The following RGS6 variants were observed in gnomAD, a reference collection of about 807,000 sequenced individuals.
The protein encoded by RGS6 is regulator of G-protein signaling 6.
In RGS6, 30 loss-of-function variants were observed where a neutral mutation model predicts 78.5. That is an observed-to-expected ratio of 0.38 (90% CI 0.29 to 0.52). RGS6 has a LOEUF of 0.52. Ranked by LOEUF, RGS6 falls within the 20% of genes least tolerant of loss-of-function variation. The pLI is 0.85. For missense variants in RGS6, 495 were observed against 609.7 expected (o/e 0.81, Z 1.98); for synonymous variants, 206 against 206.0 (o/e 1.00, Z 0.00).
chr14:72,052,339 C>G (rs541159028), intron 2 of RGS6, among the ~76,000 whole-genome samples: 29 of 152,148 alleles, frequency 1.9e-4, no homozygotes, highest in Non-Finnish European at 1.3e-4. Context: ...TAATGGATAA[C>G]TAGAATGAAC....
intron 2 of RGS6, among the ~76,000 whole-genome samples, chr14:72,252,540 A>C (rs1025501785): frequency 2.0e-5 from 3 of 152,234 alleles, no homozygotes; most frequent in African/African-American, 7.2e-5. Context: ...TCTCCCTGTT[A>C]GCCTGTACAA....
intron 3 of RGS6, among the ~76,000 whole-genome samples, chr14:72,442,254 A>C (rs1186610071): frequency 1.3e-5 from 2 of 152,006 alleles, no homozygotes; most frequent in Non-Finnish European, 2.9e-5. Context: ...CTTGCTGTGA[A>C]ACCCCGTTTG....
chr14:72,159,629 ACTGCCAAGTGAT>A (rs2096825016), intron 2 of RGS6, among the ~76,000 whole-genome samples: 1 of 152,196 alleles, frequency 6.6e-6, no homozygotes, highest in Admixed American at 6.5e-5. Context: ...ATGTGCCAGC[ACTGCCAAGTGAT>A]CTCCATGTGT....
At chr14:72,350,944 G>C (rs1486464081) in intron 2 of RGS6, among the ~76,000 whole-genome samples, 1 of 152,240 alleles carries the variant, frequency 6.6e-6, no homozygotes, top group Admixed American at 6.5e-5. Context: ...TGATGATGAT[G>C]ATGATGTTAT....
chr14:72,047,566 T>A (rs2092942004), intron 2 of RGS6, among the ~76,000 whole-genome samples: 1 of 152,194 alleles, frequency 6.6e-6, no homozygotes, highest in Admixed American at 6.5e-5. Context: ...AAGTAAGTGA[T>A]GACTGCGAAC....
At chr14:72,285,055 A>G (rs2062275788) in intron 2 of RGS6, among the ~76,000 whole-genome samples, 1 of 152,188 alleles carries the variant, frequency 6.6e-6, no homozygotes, top group East Asian at 1.9e-4. Context: ...GTATCTAGGA[A>G]GTAACTAACT....
At chr14:72,408,497 A>C (rs2093135773) in intron 3 of RGS6, among the ~76,000 whole-genome samples, 1 of 152,208 alleles carries the variant, frequency 6.6e-6, no homozygotes, top group Non-Finnish European at 1.5e-5. Flanking sequence ...TGTTTGCAAG[A>C]CACATCTGAC....
At chr14:72,508,975 C>T (rs1257487531) in intron 13 of RGS6, among the ~76,000 whole-genome samples, 1 of 152,172 alleles carries the variant, frequency 6.6e-6, no homozygotes, top group Non-Finnish European at 1.5e-5. Context: ...GAAGGAAATA[C>T]TCTTATCGCC....
At chr14:72,493,984 A>C (rs2096611824) in intron 12 of RGS6, among the ~76,000 whole-genome samples, 1 of 152,208 alleles carries the variant, frequency 6.6e-6, no homozygotes, top group Non-Finnish European at 1.5e-5. Context: ...TCCAGGAAAC[A>C]TGGGCTTTTC....
At chr14:72,615,735 T>A in the RGS6 span, among the ~76,000 whole-genome samples, 2 of 152,228 alleles carry the variant, frequency 1.3e-5, no homozygotes, top group African/African-American at 4.8e-5. Context: ...GGCTCCTGCT[T>A]CAGGGGCGAT....
intron 2 of RGS6, among the ~76,000 whole-genome samples, chr14:72,076,326 T>C (rs1567156159): frequency 6.6e-6 from 1 of 152,186 alleles, no homozygotes; most frequent in Non-Finnish European, 1.5e-5. Flanking sequence ...CTCAATTATT[T>C]TCATTTCTCC....
chr14:72,505,239 CTGTG>C (rs1473140199), intron 13 of RGS6, among the ~76,000 whole-genome samples: 3 of 152,208 alleles, frequency 2.0e-5, no homozygotes, highest in Admixed American at 2.0e-4. Context: ...ATACTATAGA[CTGTG>C]TGGCTTATAA....
At chr14:72,354,895 TGTATAATATACA>T (rs1206443942) in intron 3 of RGS6, among the ~76,000 whole-genome samples, 1 of 152,138 alleles carries the variant, frequency 6.6e-6, no homozygotes, top group East Asian at 1.9e-4. Context: ...ATATTATTCA[TGTATAATATACA>T]GTATAATATA....
At chr14:72,505,850 A>C (rs2096792114) in intron 13 of RGS6, among the ~76,000 whole-genome samples, 1 of 152,234 alleles carries the variant, frequency 6.6e-6, no homozygotes, top group Non-Finnish European at 1.5e-5. Flanking sequence ...GCTCCTGCAG[A>C]AATGAGCATT....
the RGS6 span, chr14:72,594,884 T>G: frequency 4.6e-5 from 7 of 152,200 alleles, no homozygotes; most frequent in Admixed American, 4.6e-4. Context: ...GCCACTGCCT[T>G]GGACTCAGTC....
intron 2 of RGS6, among the ~76,000 whole-genome samples, chr14:72,186,272 T>C (rs576051390): frequency 2.0e-5 from 3 of 152,360 alleles, no homozygotes; most frequent in Non-Finnish European, 2.9e-5. Context: ...TCCTGACCTA[T>C]GTTATTTCTA....
intron 2 of RGS6, among the ~76,000 whole-genome samples, chr14:72,005,949 C>CT (rs1323227546): frequency 4.0e-5 from 6 of 151,860 alleles, no homozygotes; most frequent in African/African-American, 1.5e-4. Flanking sequence ...TACCATTATG[C>CT]TTTTGACTCA....
chr14:72,161,382 T>C (rs2096850590), intron 2 of RGS6, among the ~76,000 whole-genome samples: 2 of 152,040 alleles, frequency 1.3e-5, no homozygotes, highest in Admixed American at 1.3e-4. Context: ...CTTTAAAGTA[T>C]AATAATAAAA....
chr14:72,488,500 T>A (rs1300061554), intron 12 of RGS6, among the ~76,000 whole-genome samples: 1 of 152,254 alleles, frequency 6.6e-6, no homozygotes, highest in Non-Finnish European at 1.5e-5. Flanking sequence ...ACTTCTCTAA[T>A]GATATTCCAG....
Sources: gnomAD v4.1 joint callset for allele counts (sites outside exome capture counted in the v4.1 genomes callset) on GRCh38, gnomAD v4.1.1 for gene constraint, MANE v1.5 for transcripts, NCBI Gene and HGNC (gene_info 2026-07-23, HGNC 2026-07-21) for gene names.